MSH3: variants seen among roughly 807,000 people sequenced by gnomAD.
MSH3 encodes DNA mismatch repair protein Msh3.
MSH3 carries 106 observed loss-of-function variants against 123.3 expected under a neutral mutation model. That is an observed-to-expected ratio of 0.86 (90% CI 0.73 to 1.01). MSH3 has a LOEUF of 1.01. Among genes scored for constraint, MSH3 ranks in the 50% least tolerant of loss-of-function variants. MSH3 has a pLI of 0.00. For synonymous variants in MSH3, 515 were observed against 481.4 expected (o/e 1.07, Z -0.91); for missense variants, 1,459 against 1,347.6 (o/e 1.08, Z -1.29).
intron 1 of MSH3, chr5:80,655,709 C>T (rs770069270): frequency 2.2e-5 from 4 of 177,800 alleles, no homozygotes; most frequent in Non-Finnish European, 2.4e-5. Context: ...TGGTGTTTAG[C>T]CACCTACCGT....
Position 80,787,607 on chromosome 5 carries a change from T to C in MSH3, c.2478T>C (p.His826=). 1 of 1,613,942 alleles carries C rather than the reference T, an allele frequency of 6.2e-7. No homozygotes were observed. Residue 826 remains histidine, a synonymous_variant, in exon 18 of 24, where the codon CAT becomes CAC. Transcript: ENST00000265081. ...EHYHSLCKAV[H]HLATVDCIFS... is the part of the protein sequence containing the mutation. Reference sequence around the variant, plus strand: ...ATCACTCCTTGTGTAAAGCAGTGCATCACCTAGCAACTGTTGACTGCATTT... The same window carrying C: ...ATCACTCCTTGTGTAAAGCAGTGCACCACCTAGCAACTGTTGACTGCATTT...
chr5:80,745,363 G>A (rs937991312), intron 12 of MSH3, among the ~76,000 whole-genome samples: 1 of 152,130 alleles, frequency 6.6e-6, no homozygotes, highest in Admixed American at 6.5e-5. Context: ...CTTAGTAGAA[G>A]CCCAGTTAAT....
intron 12 of MSH3, among the ~76,000 whole-genome samples, chr5:80,760,588 T>C (rs753180111): frequency 1.3e-5 from 2 of 152,050 alleles, no homozygotes; most frequent in Non-Finnish European, 2.9e-5. Context: ...TAGGTCGTCT[T>C]GTTGGTCATT....
In MSH3 at chr5:80,804,581, G is replaced by C. The variant is rs149608979; in HGVS notation, c.2656-9003G>C. Among the ~76,000 whole-genome samples, 423 of 152,300 alleles carry C rather than the reference G, an allele frequency of 2.8e-3. 4 individuals are homozygous for C. The highest frequency in any genetic ancestry group is 9.7e-3 in the African/African-American group (405 of 41,558). ...GCATAATATTCTGGAAAATTCCCTG[G>C]ATTTCTAGGCAGAGACTCTTGTTGT... On this transcript the variant is annotated intron_variant, in intron 19 of 23. Coordinates refer to ENST00000265081, the MANE Select transcript of MSH3 (RefSeq NM_002439.5).
chr5:80,726,086 T>C lies in MSH3; in HGVS notation c.1453+521T>C, dbSNP rs577522165. Among the ~76,000 whole-genome samples, 35 of 152,332 alleles carry C rather than the reference T, an allele frequency of 2.3e-4. No individual in the cohort carries two copies. The East Asian group carries it at 5.8e-3, about 25-fold the overall frequency. On this transcript the variant is annotated intron_variant, in intron 9 of 23. Coordinates refer to ENST00000265081, the MANE Select transcript of MSH3 (RefSeq NM_002439.5). ...CCAAAATTAAAACACCAGAATCTAG[T>C]GACAGGTCGAAATATTTTAGGTAAT...
chr5:80,846,792 G>C (rs978055316), intron 20 of MSH3, among the ~76,000 whole-genome samples: 1 of 152,226 alleles, frequency 6.6e-6, no homozygotes, highest in Admixed American at 6.5e-5. Flanking sequence ...TTGGTCAGGA[G>C]TGTACTGTTT....
chr5:80,797,198 G>A (rs1168904684), intron 19 of MSH3, among the ~76,000 whole-genome samples: 1 of 151,832 alleles, frequency 6.6e-6, no homozygotes, highest in African/African-American at 2.4e-5. Flanking sequence ...ACATACCCTC[G>A]CCACTCTATT....
intron 12 of MSH3, among the ~76,000 whole-genome samples, chr5:80,758,984 T>C (rs939303767): frequency 2.0e-5 from 3 of 152,240 alleles, no homozygotes; most frequent in African/African-American, 7.2e-5. Flanking sequence ...ACTTTATATT[T>C]GTATAACATT....
chr5:80,660,774 C>T (rs1677682), intron 2 of MSH3, among the ~76,000 whole-genome samples: 1 of 151,714 alleles, frequency 6.6e-6, no homozygotes, highest in Non-Finnish European at 1.5e-5. Context: ...CTGCAGGAAC[C>T]CATATTTGAT....
chr5:80,788,640 A>G (rs760469590), intron 18 of MSH3, among the ~76,000 whole-genome samples: 23 of 152,074 alleles, frequency 1.5e-4, no homozygotes, highest in African/African-American at 4.8e-4. Context: ...TTGAGACCCT[A>G]TCTCTACAAA....
chr5:80,729,430 A>AAAGTGTG (rs1491210653), intron 10 of MSH3, among the ~76,000 whole-genome samples: 1 of 78,376 alleles, frequency 1.3e-5, no homozygotes, highest in African/African-American at 5.6e-5. Flanking sequence ...AAAAAAAAAA[A>AAAGTGTG]TGTGTGTGTG....
chr5:80,725,370 T>A, intron 8 of MSH3, 83 bp from the exon 9 acceptor site: 1 of 875,576 alleles, frequency 1.1e-6, no homozygotes, highest in South Asian at 1.5e-5. Flanking sequence ...ATCTTTTTTT[T>A]TTCCTCTTCT....
chr5:80,679,139 G>A (rs1236695629), intron 8 of MSH3, 46 bp downstream of exon 8: 2 of 1,585,694 alleles, frequency 1.3e-6, no homozygotes, highest in Non-Finnish European at 1.7e-6. Context: ...CTGAAACTTA[G>A]GTTTAGTTCC....
At chr5:80,865,102 G>A (rs895426043) in intron 22 of MSH3, among the ~76,000 whole-genome samples, 160 bp downstream of exon 22, 1 of 152,234 alleles carries the variant, frequency 6.6e-6, no homozygotes, top group African/African-American at 2.4e-5. Context: ...TTTAGGTCAA[G>A]TAGAATTTAG....
rs188960183 is a variant in MSH3, at chr5:80,694,813, T to G, written c.1340+15720T>G. On this transcript the variant is annotated intron_variant, in intron 8 of 23. Coordinates refer to ENST00000265081, the MANE Select transcript of MSH3 (RefSeq NM_002439.5). ...TTTTGCCACTTCCTTCTAACCTTTA[T>G]GGTTTCAGATGAGAAATCTACTATC... 2.0e-5 allele frequency among the ~76,000 whole-genome samples: 3 copies of G among 151,992 alleles called. No individual in the cohort carries two copies. The East Asian group carries it at 5.8e-4, about 29-fold the overall frequency.
At chr5:80,667,071 C>T (rs904679513) in intron 3 of MSH3, among the ~76,000 whole-genome samples, 3 of 152,098 alleles carry the variant, frequency 2.0e-5, no homozygotes, top group African/African-American at 7.2e-5. Context: ...TGCACATGTA[C>T]CCCTGAACTT....
Position 80,692,689 on chromosome 5 carries a change from G to C in MSH3, c.1340+13596G>C, listed in dbSNP as rs1248651355. Among the ~76,000 whole-genome samples the C allele has an allele frequency of 1.5e-5, 2 of 135,436 alleles. 1 individual carries two copies. Among genetic ancestry groups the C allele is most frequent in the Non-Finnish European group, 3.2e-5 (2 of 61,844 alleles). The allele number at this position is 135,436 out of a possible 152,430, so 88.9% of individuals were successfully genotyped here. ...ACATGTATATGTTTATGTTTATATA[G>C]ATAAATATACATACACATGTATATG... On this transcript the variant is annotated intron_variant, in intron 8 of 23. Transcript: ENST00000265081.
At chr5:80,818,737 C>G (rs1745150118) in intron 20 of MSH3, among the ~76,000 whole-genome samples, 1 of 152,062 alleles carries the variant, frequency 6.6e-6, no homozygotes, top group Non-Finnish European at 1.5e-5. Flanking sequence ...ATATACATCA[C>G]AATAATCAAG....
chr5:80,720,326 T>C (rs1396969126), intron 8 of MSH3, among the ~76,000 whole-genome samples: 1 of 152,246 alleles, frequency 6.6e-6, no homozygotes, highest in African/African-American at 2.4e-5. Flanking sequence ...TTCTTTGCTT[T>C]GCCCTCTTTG....
Sources: allele counts gnomAD v4.1 joint callset (sites outside exome capture counted in the v4.1 genomes callset), GRCh38; gene constraint gnomAD v4.1.1; transcripts MANE v1.5; gene names NCBI Gene and HGNC (gene_info 2026-07-23, HGNC 2026-07-21).